MEIKIN: variants seen among roughly 807,000 people sequenced by gnomAD.
MEIKIN encodes meiotic kinetochore factor, also known as meiosis-specific kinetochore protein.
chr5:131,893,582 T>G (rs1750978161), intron 8 of MEIKIN, among the ~76,000 whole-genome samples: 1 of 152,168 alleles, frequency 6.6e-6, no homozygotes, highest in African/African-American at 2.4e-5. Context: ...ACGCATGGTG[T>G]GCTGCACCCA....
intron 8 of MEIKIN, among the ~76,000 whole-genome samples, chr5:131,908,659 G>A (rs1390683457): frequency 2.6e-5 from 4 of 151,914 alleles, no homozygotes; most frequent in Admixed American, 2.6e-4. Flanking sequence ...CAGATGACAT[G>A]GTCTTATACT....
intron 11 of MEIKIN, among the ~76,000 whole-genome samples, chr5:131,846,489 C>A (rs1441228348): frequency 6.6e-6 from 1 of 152,110 alleles, no homozygotes; most frequent in Admixed American, 6.5e-5. Context: ...ATTATTGTAA[C>A]ATTGGTTTGT....
At chr5:131,826,891 A>G (rs1367312712) in intron 11 of MEIKIN, among the ~76,000 whole-genome samples, 1 of 152,248 alleles carries the variant, frequency 6.6e-6, no homozygotes, top group Non-Finnish European at 1.5e-5. Context: ...CTCAGGTAGT[A>G]TCCTTATAGC....
intron 7 of MEIKIN, among the ~76,000 whole-genome samples, chr5:131,915,683 C>A (rs1016954436): frequency 6.6e-6 from 1 of 151,882 alleles, no homozygotes; most frequent in African/African-American, 2.4e-5. Context: ...CAGCATTTAC[C>A]CAAAGAGGAC....
At chr5:131,850,907 C>T (rs977347300) in intron 11 of MEIKIN, among the ~76,000 whole-genome samples, 3 of 151,512 alleles carry the variant, frequency 2.0e-5, no homozygotes, top group Admixed American at 6.6e-5. Flanking sequence ...TTGACTGCAC[C>T]CTGGCACTCC....
At chr5:131,811,061 G>A (rs764536854) in intron 12 of MEIKIN, among the ~76,000 whole-genome samples, 4 of 152,154 alleles carry the variant, frequency 2.6e-5, no homozygotes, top group African/African-American at 4.8e-5. Flanking sequence ...GGAAACAGGA[G>A]GCAGCTGTTA....
chr5:131,897,490 TG>T (rs1751073144), intron 8 of MEIKIN, among the ~76,000 whole-genome samples: 1 of 152,234 alleles, frequency 6.6e-6, no homozygotes, highest in Admixed American at 6.5e-5. Flanking sequence ...TTTTCCCACT[TG>T]GTTCCATTCT....
At chr5:131,828,866 C>T (rs185626257) in intron 11 of MEIKIN, among the ~76,000 whole-genome samples, 146 of 152,244 alleles carry the variant, frequency 9.6e-4, no homozygotes, top group African/African-American at 3.3e-3. Flanking sequence ...TAAGGAACTC[C>T]TGGGTCAAAC....
intron 8 of MEIKIN, among the ~76,000 whole-genome samples, chr5:131,893,468 G>A (rs747047867): frequency 2.3e-4 from 35 of 152,310 alleles, no homozygotes; most frequent in Non-Finnish European, 4.3e-4. Context: ...GGAGCGACCC[G>A]ATATTCCAGG....
chr5:131,893,081 A>G (rs1454230996), intron 8 of MEIKIN, among the ~76,000 whole-genome samples: 1 of 152,182 alleles, frequency 6.6e-6, no homozygotes, highest in Non-Finnish European at 1.5e-5. Context: ...TGGAAGTTTT[A>G]TCTCAGAGGA....
intron 11 of MEIKIN, among the ~76,000 whole-genome samples, 171 bp from the exon 12 acceptor site, chr5:131,819,034 T>A (rs1458592569): frequency 6.6e-6 from 1 of 152,174 alleles, no homozygotes; most frequent in Non-Finnish European, 1.5e-5. Context: ...TTAAAACATA[T>A]GTTCATTTAA....
intron 11 of MEIKIN, among the ~76,000 whole-genome samples, chr5:131,823,493 T>C (rs564879755): frequency 2.0e-5 from 3 of 152,182 alleles, no homozygotes; most frequent in East Asian, 1.9e-4. Context: ...TTCTTAAGTA[T>C]GCCAAATTGC....
Position 131,851,344 on chromosome 5 carries a change from GTTC to G in MEIKIN, c.892_894del (p.Glu298del), listed in dbSNP as rs1750111281. 4 of 397,792 alleles carry G rather than the reference GTTC, an allele frequency of 1.0e-5. No homozygotes were observed. Among genetic ancestry groups the G allele is most frequent in the Non-Finnish European group, 1.3e-5 (3 of 225,494 alleles). 24.6% of individuals were successfully genotyped at this position (397,792 alleles called of 1,614,324 possible). ...ACATAATTGCTGACATTTGGAAATAGTTCTTCAAAAGATGCTTTTTGCACTGAG... is the reference window on the plus strand; with the variant it reads ...ACATAATTGCTGACATTTGGAAATAGTTCAAAAGATGCTTTTTGCACTGAG... On this transcript the variant is annotated inframe_deletion, in exon 11 of 13. Transcript: ENST00000442687.
chr5:131,907,565 C>T (rs189387412), intron 8 of MEIKIN, among the ~76,000 whole-genome samples: 166 of 150,168 alleles, frequency 1.1e-3, no homozygotes, highest in African/African-American at 3.9e-3. Flanking sequence ...TCTAGTATGA[C>T]TGAACCATGA....
rs546058008 is a variant in MEIKIN, at chr5:131,896,522, C to G, written c.703+15293G>C. 4.7e-4 allele frequency among the ~76,000 whole-genome samples: 71 copies of G among 152,268 alleles called. 2 individuals are homozygous for G. The South Asian group carries it at 0.014, about 30-fold the overall frequency. On this transcript the variant is annotated intron_variant, in intron 8 of 12. Transcript: ENST00000442687. Reference sequence around the variant, plus strand: ...TATTATTGTGTGGGAGTCTAAGTCTCTTTGTAGGTCTCTAAGGACTTGCTT... The same window carrying G: ...TATTATTGTGTGGGAGTCTAAGTCTGTTTGTAGGTCTCTAAGGACTTGCTT...
chr5:131,844,919 A>G (rs998250015), intron 11 of MEIKIN, among the ~76,000 whole-genome samples: 9 of 152,190 alleles, frequency 5.9e-5, no homozygotes, highest in African/African-American at 2.2e-4. Flanking sequence ...TTTACACCTC[A>G]AGCTGATCTT....
intron 9 of MEIKIN, among the ~76,000 whole-genome samples, chr5:131,870,756 T>C (rs1750475671): frequency 1.3e-5 from 2 of 152,304 alleles, no homozygotes; most frequent in East Asian, 3.9e-4. Flanking sequence ...TACATGCCTA[T>C]TTCTTGATCT....
chr5:131,883,718 T>C (rs76973401), intron 8 of MEIKIN, among the ~76,000 whole-genome samples: 1,579 of 152,310 alleles, frequency 0.01, 59 homozygotes, highest in East Asian at 0.098. Context: ...TGAGCACTCA[T>C]AGTATCTGGT....
chr5:131,832,745 C>T (rs922864179), intron 11 of MEIKIN, among the ~76,000 whole-genome samples: 1 of 152,250 alleles, frequency 6.6e-6, no homozygotes, highest in African/African-American at 2.4e-5. Flanking sequence ...AGGCTCAATA[C>T]CATGTGGAAG....
Sources: allele counts gnomAD v4.1 joint callset (sites outside exome capture counted in the v4.1 genomes callset), GRCh38; gene constraint gnomAD v4.1.1; transcripts MANE v1.5; gene names NCBI Gene and HGNC (gene_info 2026-07-23, HGNC 2026-07-21).